LRRC4C: variants seen among roughly 807,000 people sequenced by gnomAD.
LRRC4C encodes leucine-rich repeat-containing protein 4C.
LRRC4C carries 5 observed loss-of-function variants against 33.6 expected under a neutral mutation model. That is an observed-to-expected ratio of 0.15 (90% CI 0.08 to 0.31). LRRC4C has a LOEUF of 0.31. LRRC4C is among the 10% of genes least tolerant of loss of function. The pLI is 1.00. For synonymous variants in LRRC4C, 329 were observed against 302.0 expected (o/e 1.09, Z -0.93); for missense variants, 560 against 796.7 (o/e 0.70, Z 3.58).
At chr11:40,278,883 A>C (rs1453150884) in intron 4 of LRRC4C, among the ~76,000 whole-genome samples, 1 of 152,066 alleles carries the variant, frequency 6.6e-6, no homozygotes, top group Non-Finnish European at 1.5e-5. Flanking sequence ...CTACTCCCTT[A>C]CCTTAAAGCC....
At chr11:40,630,330 C>CTTCTTCTTCTTCTTCT (rs1963347629) in intron 3 of LRRC4C, among the ~76,000 whole-genome samples, 2 of 135,536 alleles carry the variant, frequency 1.5e-5, no homozygotes, top group African/African-American at 5.6e-5. Flanking sequence ...TTTCTTCTTC[C>CTTCTTCTTCTTCTTCT]TCTTCTTCTT....
chr11:41,177,781 A>G (rs1945270243), intron 1 of LRRC4C, among the ~76,000 whole-genome samples: 1 of 152,238 alleles, frequency 6.6e-6, no homozygotes, highest in Non-Finnish European at 1.5e-5. Context: ...AAGTGCCTTA[A>G]CAATTATATA....
intron 1 of LRRC4C, among the ~76,000 whole-genome samples, chr11:41,146,840 T>C (rs923301101): frequency 5.3e-5 from 8 of 152,254 alleles, no homozygotes; most frequent in Admixed American, 4.6e-4. Context: ...ATATTCTTCT[T>C]ATTAGTGGAA....
intron 1 of LRRC4C, among the ~76,000 whole-genome samples, chr11:41,293,447 T>A (rs986836676): frequency 3.9e-5 from 6 of 152,156 alleles, no homozygotes; most frequent in African/African-American, 1.2e-4. Flanking sequence ...TTTAGACTGT[T>A]GATGAGAGGC....
At chr11:41,439,745 T>G (rs1955552737) in intron 1 of LRRC4C, among the ~76,000 whole-genome samples, 4 of 152,196 alleles carry the variant, frequency 2.6e-5, no homozygotes. Context: ...AACACAGAGA[T>G]GGTGGCTGTG....
chr11:41,438,387 C>T (rs531566093), intron 1 of LRRC4C, among the ~76,000 whole-genome samples: 1 of 152,066 alleles, frequency 6.6e-6, no homozygotes, highest in East Asian at 1.9e-4. Context: ...TATAATAATA[C>T]AAATTTTCAA....
intron 1 of LRRC4C, among the ~76,000 whole-genome samples, chr11:41,389,859 C>A (rs766696237): frequency 1.3e-5 from 2 of 151,734 alleles, no homozygotes; most frequent in African/African-American, 2.4e-5. Flanking sequence ...TTGTGCTAAT[C>A]CTGGACATGA....
At chr11:40,586,119 A>T (rs1343395642) in intron 3 of LRRC4C, among the ~76,000 whole-genome samples, 2 of 149,542 alleles carry the variant, frequency 1.3e-5, no homozygotes, top group Non-Finnish European at 1.5e-5. Flanking sequence ...ATTTCTCCAC[A>T]TCCTCTCCAG....
intron 1 of LRRC4C, among the ~76,000 whole-genome samples, chr11:40,945,843 G>A (rs117798437): frequency 2.0e-5 from 3 of 152,130 alleles, no homozygotes; most frequent in Non-Finnish European, 2.9e-5. Context: ...AACTTTGTGT[G>A]GTTCCCAAAG....
intron 1 of LRRC4C, among the ~76,000 whole-genome samples, chr11:41,358,432 A>G (rs1952236622): frequency 6.6e-6 from 1 of 152,198 alleles, no homozygotes; most frequent in African/African-American, 2.4e-5. Context: ...ACTTCTTCTC[A>G]TGAAAGACAA....
At chr11:41,075,248 AAG>A (rs746192153) in intron 1 of LRRC4C, among the ~76,000 whole-genome samples, 1 of 151,902 alleles carries the variant, frequency 6.6e-6, no homozygotes, top group Non-Finnish European at 1.5e-5. Context: ...CCAGCAGTGA[AAG>A]TGAGGGTGAC....
chr11:40,959,017 C>T (rs1959078820), intron 1 of LRRC4C, among the ~76,000 whole-genome samples: 1 of 151,628 alleles, frequency 6.6e-6, no homozygotes, highest in African/African-American at 2.4e-5. Context: ...GAATGGAGTT[C>T]AGAGCAGCCC....
chr11:40,116,411 T>C (rs935186354), intron 6 of LRRC4C, 77 bp from the exon 7 acceptor site: 2 of 1,423,518 alleles, frequency 1.4e-6, no homozygotes, highest in African/African-American at 2.9e-5. Flanking sequence ...ATGTCGGTGA[T>C]ATAGTGTATC....
rs148878505 is a variant in LRRC4C at position 40,114,711 on chromosome 11, T to C, written c.1582A>G (p.Ile528Val). Residue 528 changes from isoleucine (I) to valine (V), a missense_variant, in exon 7 of 7, where the codon ATC becomes GTC. Coordinates refer to ENST00000528697, the MANE Select transcript of LRRC4C (RefSeq NM_001258419.2). Reference protein sequence around the residue: ...GIDEVMKTTKIIIGCFVAITL... With the variant: ...GIDEVMKTTKVIIGCFVAITL... ...ATGGCCACAAAACACCCAATGATGA[T>C]TTTGGTAGTCTTCATGACCTCATCA... 1.1e-3 allele frequency: 1,778 copies of C among 1,614,098 alleles called. No individual in the cohort carries two copies. Among genetic ancestry groups the C allele is most frequent in the Admixed American group, 1.9e-3 (116 of 60,008 alleles).
intron 1 of LRRC4C, among the ~76,000 whole-genome samples, chr11:40,977,654 A>G (rs373720802): frequency 6.6e-6 from 1 of 152,164 alleles, no homozygotes; most frequent in African/African-American, 2.4e-5. Context: ...TTATATTTTC[A>G]GTCCAGATTC....
intron 3 of LRRC4C, among the ~76,000 whole-genome samples, chr11:40,563,193 T>A (rs1957620125): frequency 6.6e-6 from 1 of 152,274 alleles, no homozygotes; most frequent in East Asian, 1.9e-4. Context: ...TTTTTGTACA[T>A]ACATAGCAAG....
chr11:40,640,447 T>C (rs1457939534), intron 3 of LRRC4C, among the ~76,000 whole-genome samples: 1 of 152,064 alleles, frequency 6.6e-6, no homozygotes, highest in Non-Finnish European at 1.5e-5. Flanking sequence ...GCAATATTTT[T>C]TTCTTCAAGG....
At chr11:40,858,910 TA>T (rs1436995701) in intron 2 of LRRC4C, among the ~76,000 whole-genome samples, 2 of 152,032 alleles carry the variant, frequency 1.3e-5, no homozygotes, top group African/African-American at 4.8e-5. Context: ...TGATTTCCAT[TA>T]AAAAAATTCT....
chr11:40,422,578 C>G (rs2137756584), intron 3 of LRRC4C, among the ~76,000 whole-genome samples: 1 of 152,034 alleles, frequency 6.6e-6, no homozygotes, highest in Middle Eastern at 3.4e-3. Context: ...TCAACTTGGT[C>G]TATAAAAGAA....
Sources: allele counts gnomAD v4.1 joint callset (sites outside exome capture counted in the v4.1 genomes callset), GRCh38; gene constraint gnomAD v4.1.1; transcripts MANE v1.5; gene names NCBI Gene and HGNC (gene_info 2026-07-23, HGNC 2026-07-21).